Variants in SNTB2 observed in about 807,000 individuals in gnomAD.
The protein encoded by SNTB2 is syntrophin beta 2.
A neutral mutation model predicts 46.2 loss-of-function variants in SNTB2; 34 were observed. That is an observed-to-expected ratio of 0.74 (90% CI 0.56 to 0.98). The LOEUF is 0.98. Among genes scored for constraint, SNTB2 ranks in the 50% least tolerant of loss-of-function variants. SNTB2 has a pLI of 0.00. For synonymous variants in SNTB2, 290 were observed against 312.6 expected, an observed-to-expected ratio of 0.93 and a Z score of 0.76; for missense variants, 603 against 731.4, an observed-to-expected ratio of 0.82 and a Z score of 2.02.
chr16:69,237,728 G>C (rs573472581), intron 1 of SNTB2, among the ~76,000 whole-genome samples: 44 of 150,736 alleles, frequency 2.9e-4, no homozygotes, highest in Admixed American at 6.6e-4. Context: ...TCAGCCTCCC[G>C]AGTAGCTGGG....
intron 1 of SNTB2, among the ~76,000 whole-genome samples, chr16:69,214,076 G>C (rs901474979): frequency 1.3e-5 from 2 of 150,006 alleles, no homozygotes; most frequent in Admixed American, 6.6e-5. Context: ...ACCCGCCTCG[G>C]CCTCCCAAAG....
rs867707226 is a variant in SNTB2, at chr16:69,236,391, G to A, written c.581-9211G>A. Among the ~76,000 whole-genome samples, 5 of 152,256 alleles carry A rather than the reference G, an allele frequency of 3.3e-5. No individual in the cohort carries two copies. The Middle Eastern group carries it at 0.01, about 311-fold the overall frequency. On this transcript the variant is annotated intron_variant, in intron 1 of 6. Coordinates refer to ENST00000336278, the MANE Select transcript of SNTB2 (RefSeq NM_006750.4). The stretch of plus-strand genomic sequence containing the variant: ...GGCAAGGAGATCAGTTAAGAGGCCA[G>A]TACAGATACAAAGGGACAACTATTG...
chr16:69,188,454 A>G (rs1964016872), intron 1 of SNTB2, among the ~76,000 whole-genome samples: 1 of 152,210 alleles, frequency 6.6e-6, no homozygotes, highest in Non-Finnish European at 1.5e-5. Flanking sequence ...TTTGTAAGAA[A>G]CTTGAAATGG....
At chr16:69,220,430 G>C (rs1263855734) in intron 1 of SNTB2, among the ~76,000 whole-genome samples, 1 of 151,656 alleles carries the variant, frequency 6.6e-6, no homozygotes, top group Non-Finnish European at 1.5e-5. Context: ...AAAGTGCTGG[G>C]ATTACAGGCG....
chr16:69,282,289 C>G (rs1473603358), intron 4 of SNTB2, among the ~76,000 whole-genome samples: 1 of 149,338 alleles, frequency 6.7e-6, no homozygotes, highest in Non-Finnish European at 1.5e-5. Context: ...GGTGAAACCC[C>G]GTCTCTACTA....
At chr16:69,297,249 G>A (rs1196551984) in intron 5 of SNTB2, among the ~76,000 whole-genome samples, 1 of 134,258 alleles carries the variant, frequency 7.4e-6, no homozygotes, top group Non-Finnish European at 1.5e-5. Flanking sequence ...AGAGGTTGCA[G>A]TCAGCTGAGA....
intron 1 of SNTB2, among the ~76,000 whole-genome samples, chr16:69,232,213 T>C (rs1342678051): frequency 6.6e-6 from 1 of 150,730 alleles, no homozygotes; most frequent in Non-Finnish European, 1.5e-5. Context: ...TTTTTCTTTT[T>C]TTTTTTTTTT....
rs1409938992 is a variant in SNTB2 at position 69,305,655 on chromosome 16, C to T, written c.*4731C>T. 2 of 151,848 alleles carry T rather than the reference C, an allele frequency of 1.3e-5. No individual in the cohort carries two copies. The highest frequency in any genetic ancestry group is 2.9e-5 in the Non-Finnish European group (2 of 67,992). The allele number at this position is 151,848 out of a possible 1,614,324, so 9.4% of individuals were successfully genotyped here. A position where few individuals can be genotyped will look rare whatever the true frequency, so the allele number is the denominator to read the frequency against. The stretch of plus-strand genomic sequence containing the variant: ...TTGAATTTGACTGTAGTCATTCATT[C>T]TTTTTATATATCTCTGTCAGGTATG... On this transcript the variant is annotated 3_prime_UTR_variant, in exon 7 of 7. Coordinates refer to ENST00000336278, the MANE Select transcript of SNTB2 (RefSeq NM_006750.4).
At chr16:69,278,561 TTC>T (rs1249781556) in intron 4 of SNTB2, among the ~76,000 whole-genome samples, 19 of 151,728 alleles carry the variant, frequency 1.3e-4, no homozygotes, top group Admixed American at 1.2e-3. Flanking sequence ...GTTCAAGCGA[TTC>T]TCCTGCCTCA....
chr16:69,212,078 TTATC>T (rs1964294050), intron 1 of SNTB2, among the ~76,000 whole-genome samples: 1 of 152,134 alleles, frequency 6.6e-6, no homozygotes, highest in Non-Finnish European at 1.5e-5. Context: ...AACTCCCTGA[TTATC>T]TATCACCTTG....
chr16:69,295,771 G>C (rs1965217756), intron 5 of SNTB2, among the ~76,000 whole-genome samples: 1 of 149,816 alleles, frequency 6.7e-6, no homozygotes, highest in South Asian at 2.1e-4. Context: ...CACACACATA[G>C]CTGTTAAATC....
intron 1 of SNTB2, among the ~76,000 whole-genome samples, chr16:69,198,352 A>G (rs946707863): frequency 6.6e-6 from 1 of 152,040 alleles, no homozygotes; most frequent in Non-Finnish European, 1.5e-5. Context: ...CAGGCAATCC[A>G]CCAGCCTCGG....
intron 5 of SNTB2, among the ~76,000 whole-genome samples, chr16:69,293,383 A>G (rs1026459795): frequency 2.4e-4 from 37 of 152,316 alleles, no homozygotes; most frequent in Admixed American, 2.2e-3. Context: ...GAGAAATAGA[A>G]GCTGATAGAC....
At chr16:69,295,422 G>A (rs1965214454) in intron 5 of SNTB2, among the ~76,000 whole-genome samples, 1 of 151,174 alleles carries the variant, frequency 6.6e-6, no homozygotes. Context: ...GCTAATTTTT[G>A]TATTTTTAGT....
At chr16:69,273,482 C>A (rs1964957170) in intron 4 of SNTB2, among the ~76,000 whole-genome samples, 1 of 152,162 alleles carries the variant, frequency 6.6e-6, no homozygotes, top group Non-Finnish European at 1.5e-5. Context: ...ACAGAAACAA[C>A]CACATACTGT....
At position 69,209,132 on chromosome 16, in the gene SNTB2, C is replaced by T. The variant is rs111614845; in HGVS notation, c.580+21386C>T. 6.3e-3 allele frequency among the ~76,000 whole-genome samples: 960 copies of T among 152,172 alleles called. 13 individuals carry two copies. The highest frequency in any genetic ancestry group is 0.021 in the African/African-American group (853 of 41,520). The stretch of plus-strand genomic sequence containing the variant: ...GACTGCAGGTGCCTGCCACCACACC[C>T]GGCTAATTTTCTTGTATTTTTAGTA... On this transcript the variant is annotated intron_variant, in intron 1 of 6. Transcript: ENST00000336278.
Position 69,302,004 on chromosome 16 carries a change from A to G in SNTB2, c.*1080A>G, listed in dbSNP as rs1421434662. On this transcript the variant is annotated 3_prime_UTR_variant, in exon 7 of 7. Transcript: ENST00000336278. ...TGGGTGAAGCCAGCAATTCCGCACA[A>G]ACGTCATGTTGAATTGTTTTGGGCT... 6.6e-6 allele frequency: 1 copy of G among 152,132 alleles called. No individual in the cohort carries two copies. Among genetic ancestry groups the G allele is most frequent in the African/African-American group, 2.4e-5 (1 of 41,420 alleles). The allele number at this position is 152,132 out of a possible 1,614,324, so 9.4% of individuals were successfully genotyped here.
At chr16:69,285,047 G>A (rs756424053) in intron 5 of SNTB2, among the ~76,000 whole-genome samples, 1 of 152,234 alleles carries the variant, frequency 6.6e-6, no homozygotes, top group Non-Finnish European at 1.5e-5. Context: ...GGTGTGCCAT[G>A]TAGGCTTATG....
At chr16:69,233,418 T>C (rs1964527305) in intron 1 of SNTB2, among the ~76,000 whole-genome samples, 1 of 152,120 alleles carries the variant, frequency 6.6e-6, no homozygotes. Flanking sequence ...TATCCTGCAT[T>C]TGTTGAGACA....
Sources: gnomAD v4.1 joint callset for allele counts (sites outside exome capture counted in the v4.1 genomes callset) on GRCh38, gnomAD v4.1.1 for gene constraint, MANE v1.5 for transcripts, NCBI Gene and HGNC (gene_info 2026-07-23, HGNC 2026-07-21) for gene names.